The following HNRNPA1 variants were observed in gnomAD, a reference collection of about 807,000 sequenced individuals.
The protein encoded by HNRNPA1 is heterogeneous nuclear ribonucleoprotein A1, also known as epididymis secretory sperm binding protein.
HNRNPA1 carries 7 observed loss-of-function variants against 44.4 expected under a neutral mutation model. The observed-to-expected ratio is 0.16, with a 90% confidence interval of 0.09 to 0.30. The LOEUF (loss-of-function observed/expected upper bound fraction) is 0.30. HNRNPA1 is among the 10% of genes least tolerant of loss of function. HNRNPA1 has a pLI of 1.00. For synonymous variants in HNRNPA1, 169 were observed against 160.6 expected (o/e 1.05, Z -0.40); for missense variants, 193 against 465.8 (o/e 0.41, Z 5.39).
rs1361634084 is a variant in HNRNPA1 at position 54,284,050 on chromosome 12, C to T, written c.1063+83C>T. The T allele has an allele frequency of 2.7e-6, 4 of 1,486,400 alleles. No individual in the cohort carries two copies. The South Asian group carries it at 3.6e-5, about 14-fold the overall frequency. The allele number at this position is 1,486,400 out of a possible 1,614,324, so 92.1% of individuals were successfully genotyped here. A position where few individuals can be genotyped will look rare whatever the true frequency, so the allele number is the denominator to read the frequency against. On this transcript the variant is annotated intron_variant, in intron 9 of 10. Coordinates refer to ENST00000340913, the MANE Select transcript of HNRNPA1 (RefSeq NM_031157.4). ...GAAGAAAGCCCTTTAACTGCTATGT[C>T]TGGGCAGCAAAACGTTTATAGTTTA...
rs1944193624 is a variant in HNRNPA1, at chr12:54,282,663, G to A, written c.674G>A (p.Arg225His). The part of the protein sequence containing the change: ...NFGRGGNFSG[R>H]GGFGGSRGGG... ...GGTCGTGGAGGAAACTTCAGTGGTC[G>A]TGGTATGTATGGTTTATCTACATGT... The change falls in exon 6 of 11, where the codon CGT becomes CAT. Residue 225 changes from arginine (R) to histidine (H), a missense_variant and splice_region_variant. Transcript: ENST00000340913. The A allele has an allele frequency of 4.3e-6, 7 of 1,612,614 alleles. No homozygotes were observed. The highest frequency in any genetic ancestry group is 1.7e-5 in the Admixed American group (1 of 60,000).
chr12:54,280,929 C>T (rs1277511788), intron 1 of HNRNPA1, 107 bp downstream of exon 1: 7 of 1,251,510 alleles, frequency 5.6e-6, no homozygotes, highest in Non-Finnish European at 8.2e-6. Flanking sequence ...ACAGTTCCTT[C>T]GGTCGCTGCC....
intron 3 of HNRNPA1, 73 bp downstream of exon 3, chr12:54,282,014 GT>G: frequency 6.2e-7 from 1 of 1,601,418 alleles, no homozygotes; most frequent in South Asian, 1.1e-5. Flanking sequence ...AGATTCGGGA[GT>G]TTTCTAAACT....
chr12:54,284,393 G>C (rs938238604), intron 10 of HNRNPA1, 76 bp downstream of exon 10: 3 of 1,231,512 alleles, frequency 2.4e-6, no homozygotes, highest in African/African-American at 3.0e-5. Flanking sequence ...ATGTAGCTGA[G>C]CAGTGCAACA....
Position 54,282,625 on chromosome 12 carries a change from G to T in HNRNPA1, c.636G>T (p.Gly212=). ...GTGGTCGTGGAGGTGGTTTCGGTGG[G>T]AATGACAACTTCGGTCGTGGAGGAA... ...FGGGRGGGFG[G]NDNFGRGGNF... is the part of the protein sequence containing the mutation. Residue 212 remains glycine, a synonymous_variant, in exon 6 of 11, where the codon GGG becomes GGT. Coordinates refer to ENST00000340913, the MANE Select transcript of HNRNPA1 (RefSeq NM_031157.4). 6.2e-7 allele frequency: 1 copy of T among 1,613,982 alleles called. No individual in the cohort carries two copies. Among genetic ancestry groups the T allele is most frequent in the Non-Finnish European group, 8.5e-7 (1 of 1,179,972 alleles).
At chr12:54,282,991 G>A in intron 7 of HNRNPA1, 88 bp from the exon 8 acceptor site, 1 of 1,517,400 alleles carries the variant, frequency 6.6e-7, no homozygotes, top group Non-Finnish European at 9.0e-7. Flanking sequence ...TAACACGCAT[G>A]CTGTGAGCAG....
intron 1 of HNRNPA1, 84 bp downstream of exon 1, chr12:54,280,906 A>T: frequency 6.9e-7 from 1 of 1,454,030 alleles, no homozygotes; most frequent in Admixed American, 1.7e-5. Context: ...CGTTCCTTGC[A>T]CCAGCCCATT....
In HNRNPA1 at chr12:54,280,791, C is replaced by G. The variant is rs750767129; in HGVS notation, c.-17C>G. On this transcript the variant is annotated 5_prime_UTR_variant, in exon 1 of 11. Transcript: ENST00000340913. ...CGCCGAAGAAGCATCGTTAAAGTCT[C>G]TCTTCACCCTGCCGTCATGTCTAAG... 86 of 1,614,096 alleles carry G rather than the reference C, an allele frequency of 5.3e-5. 1 individual carries two copies. In the Admixed American group the frequency reaches 6.0e-4, roughly 11 times the overall value.
chr12:54,281,685 G>A, intron 2 of HNRNPA1, 110 bp from the exon 3 acceptor site: 1 of 1,233,690 alleles, frequency 8.1e-7, no homozygotes, highest in African/African-American at 1.5e-5. Flanking sequence ...GAAACTGGAC[G>A]ACTTTTTATA....
At chr12:54,281,586 G>A (rs1944171677) in intron 2 of HNRNPA1, 84 bp downstream of exon 2, 1 of 1,052,930 alleles carries the variant, frequency 9.5e-7, no homozygotes, top group Admixed American at 1.9e-5. Flanking sequence ...GCTTATGAAA[G>A]TAGTTAATAG....
intron 1 of HNRNPA1, 138 bp downstream of exon 1, chr12:54,280,960 T>G: frequency 1.1e-6 from 1 of 929,238 alleles, no homozygotes; most frequent in African/African-American, 1.6e-5. Context: ...CCTCCCAAAG[T>G]TCAAGTCGCC....
chr12:54,283,794 C>A lies in HNRNPA1; in HGVS notation c.908-18C>A. Reference sequence around the variant, plus strand: ...TCATCCTCAGGTAACAGATAAAGGCCCTCTTTCCCATTCATAGGAAGCAAT... The same window carrying A: ...TCATCCTCAGGTAACAGATAAAGGCACTCTTTCCCATTCATAGGAAGCAAT... On this transcript the variant is annotated intron_variant, in intron 8 of 10. Coordinates refer to ENST00000340913, the MANE Select transcript of HNRNPA1 (RefSeq NM_031157.4). The A allele has an allele frequency of 6.2e-7, 1 of 1,612,246 alleles. No individual in the cohort carries two copies. Among genetic ancestry groups the A allele is most frequent in the Non-Finnish European group, 8.5e-7 (1 of 1,178,486 alleles).
intron 10 of HNRNPA1, 46 bp downstream of exon 10, chr12:54,284,363 T>C (rs376830001): frequency 3.3e-6 from 5 of 1,504,406 alleles, no homozygotes; most frequent in South Asian, 1.1e-5. Flanking sequence ...TTTAAATTGC[T>C]GATGAACCCA....
chr12:54,282,024 C>CTTTT lies in HNRNPA1; in HGVS notation c.280-64_280-63insTTTT, dbSNP rs1944181325. The CTTTT allele has an allele frequency of 2.0e-5, 32 of 1,598,812 alleles. No homozygotes were observed. The South Asian group carries it at 3.6e-4, about 18-fold the overall frequency. ...ACTTAAGATTCGGGAGTTTTCTAAA[C>CTTTT]TTACCAAAATTTTTTATTCGAGTAT... On this transcript the variant is annotated intron_variant, in intron 3 of 10. Coordinates refer to ENST00000340913, the MANE Select transcript of HNRNPA1 (RefSeq NM_031157.4).
chr12:54,283,497 A>G (rs2137044586), intron 8 of HNRNPA1, among the ~76,000 whole-genome samples: 1 of 152,256 alleles, frequency 6.6e-6, no homozygotes, highest in East Asian at 1.9e-4. Flanking sequence ...TTAGGCGCTT[A>G]GTTGATGTAT....
intron 10 of HNRNPA1, 94 bp from the exon 11 acceptor site, chr12:54,284,455 C>T (rs780632286): frequency 5.0e-5 from 44 of 876,824 alleles, no homozygotes; most frequent in Non-Finnish European, 7.8e-5. Context: ...ATATTCAGAT[C>T]AGCAAAATTT....
chr12:54,284,099 G>T, intron 9 of HNRNPA1, 132 bp downstream of exon 9: 2 of 1,324,220 alleles, frequency 1.5e-6, no homozygotes, highest in South Asian at 2.9e-5. Context: ...GTGATAATTT[G>T]ATCACAAATT....
At chr12:54,281,314 G>GT in intron 1 of HNRNPA1, 72 bp from the exon 2 acceptor site, 1 of 858,064 alleles carries the variant, frequency 1.2e-6, no homozygotes, top group Admixed American at 2.1e-5. Context: ...TTGGTGTCTA[G>GT]TTTTTCTTTT....
At chr12:54,281,304 T>C (rs1944164357) in intron 1 of HNRNPA1, 82 bp from the exon 2 acceptor site, 1 of 784,076 alleles carries the variant, frequency 1.3e-6, no homozygotes, top group Non-Finnish European at 2.2e-6. Context: ...AGGTACACAG[T>C]TGGTGTCTAG....
Sources: allele counts gnomAD v4.1 joint callset (sites outside exome capture counted in the v4.1 genomes callset), GRCh38; gene constraint gnomAD v4.1.1; transcripts MANE v1.5; gene names NCBI Gene and HGNC (gene_info 2026-07-23, HGNC 2026-07-21).